The following TRDN variants were observed in gnomAD, a reference collection of about 807,000 sequenced individuals.
TRDN encodes the protein triadin.
TRDN carries 161 observed loss-of-function variants against 149.7 expected under a neutral mutation model. The observed-to-expected ratio is 1.08, with a 90% confidence interval of 0.95 to 1.23. TRDN has a LOEUF of 1.23. Ranked by LOEUF, TRDN falls within the 50% of genes most tolerant of loss-of-function variation. TRDN has a pLI of 0.00. For missense variants in TRDN, 896 were observed against 823.5 expected, an observed-to-expected ratio of 1.09 and a Z score of -1.08; for synonymous variants, 294 against 250.5, an observed-to-expected ratio of 1.17 and a Z score of -1.64.
chr6:123,385,444 A>T (rs2114433151), intron 14 of TRDN, among the ~76,000 whole-genome samples: 1 of 151,862 alleles, frequency 6.6e-6, no homozygotes, highest in Non-Finnish European at 1.5e-5. Context: ...AGAAAAAAAA[A>T]AACAGAAAGA....
In TRDN at chr6:123,377,867, T is replaced by A. The variant is rs1378354655; in HGVS notation, c.1218A>T (p.Pro406=). The part of the protein sequence containing the change: ...KQEKKEKHVE[P]AKSPKKEHSV... Reference sequence around the variant, plus strand: ...ACAGAGGAATTTAAAAACAGTTACCTGGTTCCACATGTTTTTCTTTCTTTT... The same window carrying A: ...ACAGAGGAATTTAAAAACAGTTACCAGGTTCCACATGTTTTTCTTTCTTTT... The change falls in exon 17 of 41, where the codon CCA becomes CCT. Residue 406 remains proline (P), a splice_region_variant and synonymous_variant. Transcript: ENST00000334268. 6.4e-6 allele frequency: 10 copies of A among 1,557,160 alleles called. No homozygotes were observed. Among genetic ancestry groups the A allele is most frequent in the Non-Finnish European group, 8.8e-6 (10 of 1,140,998 alleles).
intron 23 of TRDN, among the ~76,000 whole-genome samples, chr6:123,321,903 T>C (rs1779256762): frequency 6.6e-6 from 1 of 152,102 alleles, no homozygotes; most frequent in African/African-American, 2.4e-5. Flanking sequence ...AGTTTGATTT[T>C]GAACTTCTTC....
chr6:123,601,159 A>T (rs1336168812), intron 1 of TRDN, among the ~76,000 whole-genome samples: 2 of 152,160 alleles, frequency 1.3e-5, no homozygotes, highest in Non-Finnish European at 2.9e-5. Context: ...ACTATTAAAT[A>T]TATGCATATC....
At chr6:123,562,965 T>C (rs1782080687) in intron 2 of TRDN, among the ~76,000 whole-genome samples, 1 of 152,198 alleles carries the variant, frequency 6.6e-6, no homozygotes, top group Admixed American at 6.5e-5. Context: ...GCATTTTCCC[T>C]CTGCTTTAAA....
At chr6:123,515,571 G>C (rs904656424) in intron 6 of TRDN, among the ~76,000 whole-genome samples, 33 of 151,452 alleles carry the variant, frequency 2.2e-4, no homozygotes, top group African/African-American at 7.5e-4. Context: ...AAATAACATG[G>C]ATTATCTGGA....
At chr6:123,377,812 C>T (rs1781568011) in intron 17 of TRDN, 54 bp downstream of exon 17, 2 of 1,600,716 alleles carry the variant, frequency 1.2e-6, no homozygotes, top group African/African-American at 1.3e-5. Context: ...TATTCAATTG[C>T]AAATCAAATA....
chr6:123,375,986 A>G (rs560075253), intron 18 of TRDN, among the ~76,000 whole-genome samples: 1 of 152,282 alleles, frequency 6.6e-6, no homozygotes, highest in South Asian at 2.1e-4. Flanking sequence ...GTGTGAAAAG[A>G]ATGAGTTCAC....
intron 12 of TRDN, 22 bp downstream of exon 12, chr6:123,438,041 G>T: frequency 6.3e-7 from 1 of 1,587,526 alleles, no homozygotes. Context: ...ATCCATCTAA[G>T]GAAACAAAGA....
intron 6 of TRDN, among the ~76,000 whole-genome samples, chr6:123,512,932 G>A (rs1204562564): frequency 2.6e-5 from 4 of 152,098 alleles, no homozygotes; most frequent in Admixed American, 2.6e-4. Flanking sequence ...AACAAGAATA[G>A]TAATAATGTA....
rs1779923805 is a variant in TRDN at position 123,337,681 on chromosome 6, A to T, written c.1370-12T>A. 2 of 1,440,368 alleles carry T rather than the reference A, an allele frequency of 1.4e-6. No individual in the cohort carries two copies. Among genetic ancestry groups the T allele is most frequent in the Non-Finnish European group, 1.9e-6 (2 of 1,074,160 alleles). The allele number at this position is 1,440,368 out of a possible 1,614,324, so 89.2% of individuals were successfully genotyped here. On this transcript the variant is annotated splice_polypyrimidine_tract_variant and intron_variant, in intron 21 of 40. Transcript: ENST00000334268. ...TTCTTTTCTAATTTCTGCAAGAGAG[A>T]TCATGGGAAGAAAAAGTTACAAGGA...
Position 123,267,711 on chromosome 6 carries a change from T to C in TRDN, c.1779A>G (p.Lys593=), listed in dbSNP as rs1024549865. Residue 593 remains lysine, a synonymous_variant, in exon 32 of 41, where the codon AAA becomes AAG. Coordinates refer to ENST00000334268, the MANE Select transcript of TRDN (RefSeq NM_006073.4). ...AAACCAAAAATGGTAAAATACCTGT[T>C]TTTATAGATGGAGGTTCTCTTTCTC... ...EHREREPPSI[K]TDKPKPTPKG... 6.4e-7 allele frequency: 1 copy of C among 1,574,360 alleles called. No individual in the cohort carries two copies. Among genetic ancestry groups the C allele is most frequent in the African/African-American group, 1.4e-5 (1 of 73,272 alleles).
chr6:123,268,309 C>T (rs1353122959), intron 31 of TRDN, among the ~76,000 whole-genome samples: 2 of 151,834 alleles, frequency 1.3e-5, no homozygotes, highest in South Asian at 2.1e-4. Context: ...TCTTAAAACT[C>T]TCATAGCTGA....
intron 12 of TRDN, among the ~76,000 whole-genome samples, chr6:123,414,993 A>G (rs561396565): frequency 6.6e-6 from 1 of 152,318 alleles, no homozygotes; most frequent in East Asian, 1.9e-4. Flanking sequence ...TTTCTAATTC[A>G]TTCATTCAGC....
chr6:123,352,614 A>G (rs1251969492), intron 20 of TRDN, 28 bp from the exon 21 acceptor site: 1 of 1,602,962 alleles, frequency 6.2e-7, no homozygotes, highest in Non-Finnish European at 8.5e-7. Context: ...GGTTTAAAGA[A>G]GAGTTCCAGA....
chr6:123,578,266 G>A (rs1433420739), intron 1 of TRDN, among the ~76,000 whole-genome samples: 1 of 152,064 alleles, frequency 6.6e-6, no homozygotes, highest in Non-Finnish European at 1.5e-5. Flanking sequence ...GTAGTTTTGG[G>A]TTTTACATTT....
intron 1 of TRDN, among the ~76,000 whole-genome samples, chr6:123,602,645 C>T (rs576145417): frequency 7.9e-5 from 12 of 152,140 alleles, no homozygotes; most frequent in African/African-American, 2.6e-4. Flanking sequence ...CCAGGAGTTA[C>T]CCTATCTCAA....
intron 23 of TRDN, among the ~76,000 whole-genome samples, chr6:123,320,346 C>A (rs1779197036): frequency 6.6e-6 from 1 of 151,634 alleles, no homozygotes; most frequent in South Asian, 2.1e-4. Context: ...GCTCTCTAAC[C>A]CTAGTAGCAT....
rs1285501313 is a variant in TRDN at position 123,350,084 on chromosome 6, C to T, written c.1369+2455G>A. Reference sequence around the variant, plus strand: ...TGAACTCTGATACATTTATGATCAACAGGCTCCAACTTTATACTTAATAAA... The same window carrying T: ...TGAACTCTGATACATTTATGATCAATAGGCTCCAACTTTATACTTAATAAA... On this transcript the variant is annotated intron_variant, in intron 21 of 40. Coordinates refer to ENST00000334268, the MANE Select transcript of TRDN (RefSeq NM_006073.4). 3 of 978,756 alleles carry T rather than the reference C, an allele frequency of 3.1e-6. No homozygotes were observed. In the African/African-American group the frequency reaches 5.3e-5, roughly 17 times the overall value. The allele number at this position is 978,756 out of a possible 1,614,324, so 60.6% of individuals were successfully genotyped here. A position where few individuals can be genotyped will look rare whatever the true frequency, so the allele number is the denominator to read the frequency against.
intron 1 of TRDN, among the ~76,000 whole-genome samples, chr6:123,606,859 A>G (rs1318941767): frequency 2.0e-5 from 3 of 152,220 alleles, no homozygotes; most frequent in African/African-American, 4.8e-5. Flanking sequence ...CTATTAAAAT[A>G]GAAATGCTCA....
Sources: allele counts gnomAD v4.1 joint callset (sites outside exome capture counted in the v4.1 genomes callset), GRCh38; gene constraint gnomAD v4.1.1; transcripts MANE v1.5; gene names NCBI Gene and HGNC (gene_info 2026-07-23, HGNC 2026-07-21).